The following EXOSC4 variants were observed in gnomAD, a reference collection of about 807,000 sequenced individuals.
EXOSC4 encodes exosome complex component RRP41.
Under a neutral mutation model 20.0 loss-of-function variants are expected in EXOSC4, and 14 were observed. That is an observed-to-expected ratio of 0.70 (90% confidence interval 0.46 to 1.09). The LOEUF (loss-of-function observed/expected upper bound fraction) is 1.09. Among genes scored for constraint, EXOSC4 ranks in the 50% least tolerant of loss-of-function variants. The pLI, the probability that EXOSC4 is intolerant of heterozygous loss-of-function variation, is 0.00. For synonymous variants in EXOSC4, 148 were observed against 146.4 expected (o/e 1.01, Z -0.08); for missense variants, 337 against 334.0 (o/e 1.01, Z -0.07).
the EXOSC4 span, among the ~76,000 whole-genome samples, chr8:144,064,874 C>G: frequency 2.1e-5 from 3 of 142,380 alleles, no homozygotes; most frequent in Admixed American, 1.4e-4. Context: ...TGGAGTCTTG[C>G]TCTGTCGCCC....
chr8:144,071,322 C>T, the EXOSC4 span, among the ~76,000 whole-genome samples: 1 of 133,134 alleles, frequency 7.5e-6, no homozygotes, highest in Non-Finnish European at 1.6e-5. Context: ...CCCCTCTCCT[C>T]CCCTCTCCTC....
At chr8:144,066,110 G>A in the EXOSC4 span, among the ~76,000 whole-genome samples, 26 of 151,580 alleles carry the variant, frequency 1.7e-4, no homozygotes, top group Admixed American at 1.4e-3. Context: ...TCTGCCTCCC[G>A]GATTCAGGCC....
chr8:144,071,235 TC>T, the EXOSC4 span, among the ~76,000 whole-genome samples: 1 of 8,848 alleles, frequency 1.1e-4, no homozygotes, highest in African/African-American at 6.1e-4. Flanking sequence ...CCCCCTCCCC[TC>T]CCCCTTCCCC....
At chr8:144,068,924 A>G in the EXOSC4 span, among the ~76,000 whole-genome samples, 1 of 152,220 alleles carries the variant, frequency 6.6e-6, no homozygotes, top group Non-Finnish European at 1.5e-5. Context: ...CCCCAGGTCC[A>G]CAGATGCTGC....
the EXOSC4 span, among the ~76,000 whole-genome samples, chr8:144,070,523 CAA>C: frequency 9.7e-5 from 9 of 93,036 alleles, no homozygotes; most frequent in Admixed American, 1.2e-4. Context: ...AACTCCATCT[CAA>C]AAAAAAAAAA....
the EXOSC4 span, among the ~76,000 whole-genome samples, chr8:144,067,458 C>A: frequency 6.6e-6 from 1 of 152,070 alleles, no homozygotes; most frequent in Admixed American, 6.6e-5. Flanking sequence ...TGGGCAGCTT[C>A]CAGGAGTTGA....
the EXOSC4 span, among the ~76,000 whole-genome samples, chr8:144,066,241 T>G: frequency 1.3e-5 from 2 of 151,282 alleles, no homozygotes; most frequent in Non-Finnish European, 2.9e-5. Context: ...GGATGGTCTC[T>G]ATCTCCTGAC....
chr8:144,080,192 A>T lies in EXOSC4; in HGVS notation c.378+43A>T. ...GTCAATCCAGGGAGGGAAGGGTGTGATGGGGTTGGGGAGGGAGTCTGATAG... is the reference window on the plus strand; with the variant it reads ...GTCAATCCAGGGAGGGAAGGGTGTGTTGGGGTTGGGGAGGGAGTCTGATAG... On this transcript the variant is annotated intron_variant, in intron 2 of 2. Coordinates refer to ENST00000316052, the MANE Select transcript of EXOSC4 (RefSeq NM_019037.3). The surrounding 1 kb of genome is among the most constrained non-coding windows in gnomAD (Gnocchi z 4.9). 1 of 1,608,208 alleles carries T rather than the reference A, an allele frequency of 6.2e-7. No individual in the cohort carries two copies. The highest frequency in any genetic ancestry group is 8.5e-7 in the Non-Finnish European group (1 of 1,175,894).
upstream of EXOSC4, among the ~76,000 whole-genome samples, chr8:144,076,964 G>A (rs561063099): frequency 6.6e-6 from 1 of 152,238 alleles, no homozygotes; most frequent in South Asian, 2.1e-4. Context: ...CCAGCTACCT[G>A]GGAGGCTGAG....
upstream of EXOSC4, among the ~76,000 whole-genome samples, chr8:144,074,554 CG>C (rs1240291513): frequency 4.6e-5 from 7 of 151,780 alleles, no homozygotes; most frequent in Non-Finnish European, 7.4e-5. Flanking sequence ...TTTTTTGGGG[CG>C]GGGGGTGGTT....
chr8:144,075,243 T>TTTTTTTG (rs1835825925), upstream of EXOSC4, among the ~76,000 whole-genome samples: 1 of 151,760 alleles, frequency 6.6e-6, no homozygotes, highest in African/African-American at 2.4e-5. Context: ...TTTTTTTTTT[T>TTTTTTTG]TGAGACAGAG....
At chr8:144,076,656 T>G (rs577994504), upstream of EXOSC4, among the ~76,000 whole-genome samples, 49 of 152,314 alleles carry the variant, frequency 3.2e-4, no homozygotes, top group African/African-American at 1.1e-3. Context: ...ACTGGCCCAC[T>G]TTGGACACCT....
chr8:144,068,020 A>G, the EXOSC4 span, among the ~76,000 whole-genome samples: 1 of 152,194 alleles, frequency 6.6e-6, no homozygotes, highest in Non-Finnish European at 1.5e-5. Context: ...CTCTACGGCT[A>G]TGGAGGAAGC....
chr8:144,066,064 T>TGG, the EXOSC4 span, among the ~76,000 whole-genome samples: 1 of 151,650 alleles, frequency 6.6e-6, no homozygotes, highest in Non-Finnish European at 1.5e-5. Context: ...TCACCCAGGC[T>TGG]GGAGTGCAGT....
upstream of EXOSC4, chr8:144,078,034 G>GTAA (rs1835852319): frequency 1.3e-5 from 2 of 152,242 alleles, no homozygotes; most frequent in African/African-American, 4.8e-5. The surrounding 1 kb of genome is among the most constrained non-coding windows in gnomAD (Gnocchi z 4.7). Context: ...TGAAGCCGCT[G>GTAA]AGGTTAAGTG....
At chr8:144,075,314 C>T (rs1835826829), upstream of EXOSC4, among the ~76,000 whole-genome samples, 1 of 152,086 alleles carries the variant, frequency 6.6e-6, no homozygotes, top group Non-Finnish European at 1.5e-5. Flanking sequence ...GCAACCTCCG[C>T]CTCCTGGGTT....
Position 144,080,300 on chromosome 8 carries a change from T to C in EXOSC4, c.437T>C (p.Val146Ala). The change falls in exon 3 of 3, where the codon GTG (valine) becomes GCG (alanine). Residue 146 changes from valine to alanine, a missense_variant. By Grantham distance (64) the Val-to-Ala change is moderately conservative. Transcript: ENST00000316052. The surrounding 1 kb of genome is among the most constrained non-coding windows in gnomAD (Gnocchi z 4.9). ...AACVNAATLA[V>A]LDAGIPMRDF... is the part of the protein sequence containing the mutation. ...TGTGTGAATGCAGCCACGCTGGCAG[T>C]GCTGGATGCCGGGATACCCATGAGA... is the stretch of plus-strand genomic sequence containing the variant. 6.2e-7 allele frequency: 1 copy of C among 1,613,876 alleles called. No individual in the cohort carries two copies. Among genetic ancestry groups the C allele is most frequent in the Non-Finnish European group, 8.5e-7 (1 of 1,180,034 alleles).
chr8:144,072,829 C>T, the EXOSC4 span, among the ~76,000 whole-genome samples: 1 of 152,244 alleles, frequency 6.6e-6, no homozygotes, highest in Non-Finnish European at 1.5e-5. Context: ...ATCTTGCCTA[C>T]TGTGAACGGT....
In EXOSC4 at chr8:144,078,724, GC is replaced by G. The variant is rs1554763033; in HGVS notation, c.-4del. 2 of 1,453,876 alleles carry G rather than the reference GC, an allele frequency of 1.4e-6. No homozygotes were observed. Among genetic ancestry groups the G allele is most frequent in the South Asian group, 2.8e-5 (2 of 70,748 alleles). The allele number at this position is 1,453,876 out of a possible 1,614,324, so 90.1% of individuals were successfully genotyped here. On this transcript the variant is annotated 5_prime_UTR_variant, in exon 1 of 3. Coordinates refer to ENST00000316052, the MANE Select transcript of EXOSC4 (RefSeq NM_019037.3). The surrounding 1 kb of genome is among the most constrained non-coding windows in gnomAD (Gnocchi z 4.7). Reference sequence around the variant, plus strand: ...GGCAGAGAGCGGACCTGGCGGCCGGGCAGCATGGCGGGGCTGGAGCTCTTGT... The same window carrying G: ...GGCAGAGAGCGGACCTGGCGGCCGGGAGCATGGCGGGGCTGGAGCTCTTGT...
Sources: allele counts gnomAD v4.1 joint callset (sites outside exome capture counted in the v4.1 genomes callset), GRCh38; gene constraint gnomAD v4.1.1; non-coding constraint Gnocchi (gnomAD v3.1); transcripts MANE v1.5; gene names NCBI Gene and HGNC (gene_info 2026-07-23, HGNC 2026-07-21).